LDAH: variants seen among roughly 807,000 people sequenced by gnomAD.
LDAH encodes the protein lipid droplet-associated hydrolase.
Under a neutral mutation model 29.6 loss-of-function variants are expected in LDAH, and 26 were observed. The observed-to-expected ratio is 0.88, with a 90% confidence interval of 0.64 to 1.22. The LOEUF is 1.22. LDAH is among the 50% of genes most tolerant of loss of function. The probability of loss-of-function intolerance (pLI) is 0.00; values close to 1 mark genes in which losing one functional copy is unlikely to be tolerated. For synonymous variants in LDAH, 117 were observed against 133.0 expected (o/e 0.88, Z 0.83); for missense variants, 344 against 387.3 (o/e 0.89, Z 0.94).
intron 3 of LDAH, 53 bp downstream of exon 3, chr2:20,790,202 A>C (rs564814391): frequency 1.8e-4 from 280 of 1,584,130 alleles, no homozygotes; most frequent in Admixed American, 1.8e-3. Flanking sequence ...AGCTTGCTAG[A>C]AACATGACCC....
chr2:20,772,320 C>A (rs930297060), intron 4 of LDAH, among the ~76,000 whole-genome samples: 1 of 152,176 alleles, frequency 6.6e-6, no homozygotes, highest in East Asian at 1.9e-4. Context: ...ATGCAAGTAT[C>A]CTTTTTAATG....
rs768794484 is a variant in LDAH, at chr2:20,740,114, C to T, written c.560G>A (p.Arg187Gln). 23 of 1,614,110 alleles carry T rather than the reference C, an allele frequency of 1.4e-5. No homozygotes were observed. In the South Asian group the frequency reaches 1.8e-4, roughly 12 times the overall value. ...GTAGCCAGTAACATAGAGAACATATCGAAACCAGCACAAAAGTGGAGTGGC... is the reference window on the plus strand; with the variant it reads ...GTAGCCAGTAACATAGAGAACATATTGAAACCAGCACAAAAGTGGAGTGGC... Reference protein sequence around the residue: ...RIATPLLCWFRYVLYVTGYLL... With the variant: ...RIATPLLCWFQYVLYVTGYLL... Residue 187 changes from arginine to glutamine, a missense_variant, in exon 5 of 7, where the codon CGA becomes CAA. Coordinates refer to ENST00000237822, the MANE Select transcript of LDAH (RefSeq NM_021925.4).
intron 1 of LDAH, among the ~76,000 whole-genome samples, chr2:20,804,775 A>T (rs1572670403): frequency 6.6e-6 from 1 of 152,202 alleles, no homozygotes. Flanking sequence ...TCCAAAACTG[A>T]TTCTCTTAAG....
intron 1 of LDAH, among the ~76,000 whole-genome samples, chr2:20,814,898 CA>C (rs1672746180): frequency 6.6e-6 from 1 of 152,044 alleles, no homozygotes; most frequent in African/African-American, 2.4e-5. Context: ...GGGCCTGTAA[CA>C]AGGAATTACC....
chr2:20,722,662 T>C (rs1558412482), intron 5 of LDAH, among the ~76,000 whole-genome samples: 1 of 152,202 alleles, frequency 6.6e-6, no homozygotes, highest in Non-Finnish European at 1.5e-5. Context: ...AATCTGATCA[T>C]AACACAGTGT....
chr2:20,739,441 A>G (rs1021368305), intron 5 of LDAH, among the ~76,000 whole-genome samples: 1 of 152,258 alleles, frequency 6.6e-6, no homozygotes, highest in Non-Finnish European at 1.5e-5. Context: ...GCCAAAAAGT[A>G]AAGTCACAAA....
In LDAH at chr2:20,698,685, A is replaced by T. The variant is rs1037939059; in HGVS notation, c.786+2885T>A. ...ACAGTGCAAGACTCTGTCTCAAAAA[A>T]ACAAAAAAAGGAAAAAGAAATAACC... On this transcript the variant is annotated intron_variant, in intron 6 of 6. Transcript: ENST00000237822. The surrounding 1 kb of genome is among the most constrained non-coding windows in gnomAD (Gnocchi z 4.4). Among the ~76,000 whole-genome samples, 1 of 152,228 alleles carries T rather than the reference A, an allele frequency of 6.6e-6. No individual in the cohort carries two copies.
chr2:20,726,151 T>G (rs1209453638), intron 5 of LDAH, among the ~76,000 whole-genome samples: 6 of 152,238 alleles, frequency 3.9e-5, no homozygotes, highest in Non-Finnish European at 5.9e-5. Context: ...CAAGGGCTGA[T>G]GTGCTTAACT....
chr2:20,689,556 C>T (rs1353779096), intron 6 of LDAH, among the ~76,000 whole-genome samples: 1 of 152,204 alleles, frequency 6.6e-6, no homozygotes. Flanking sequence ...AGCAACTACC[C>T]TGCTATAGCT....
intron 5 of LDAH, among the ~76,000 whole-genome samples, chr2:20,724,177 T>C (rs1018863721): frequency 6.6e-6 from 1 of 152,224 alleles, no homozygotes; most frequent in Admixed American, 6.5e-5. Context: ...CCATTTTGTC[T>C]GTCTGGAAAA....
At chr2:20,809,267 C>A (rs560281233) in intron 1 of LDAH, among the ~76,000 whole-genome samples, 2 of 151,044 alleles carry the variant, frequency 1.3e-5, no homozygotes, top group African/African-American at 2.5e-5. Context: ...CGCTTGGTGG[C>A]GCGTGCCTGT....
At chr2:20,729,757 C>T (rs866848129) in intron 5 of LDAH, among the ~76,000 whole-genome samples, 1 of 152,168 alleles carries the variant, frequency 6.6e-6, no homozygotes, top group Non-Finnish European at 1.5e-5. Context: ...ATGGTAATAT[C>T]TTGCAAAACC....
At chr2:20,818,050 T>C (rs961757137) in intron 1 of LDAH, among the ~76,000 whole-genome samples, 3 of 152,168 alleles carry the variant, frequency 2.0e-5, no homozygotes, top group Non-Finnish European at 2.9e-5. Flanking sequence ...ACGGTAGTTA[T>C]AAGAAGCTAC....
intron 5 of LDAH, among the ~76,000 whole-genome samples, chr2:20,707,266 A>C (rs1337876166): frequency 1.3e-5 from 2 of 152,162 alleles, no homozygotes; most frequent in African/African-American, 4.8e-5. Context: ...TCAGCTGCCT[A>C]AACTGCCTCA....
intron 4 of LDAH, among the ~76,000 whole-genome samples, chr2:20,744,453 TC>T (rs1433343333): frequency 6.6e-6 from 1 of 152,168 alleles, no homozygotes; most frequent in African/African-American, 2.4e-5. Flanking sequence ...AGTATTCTTC[TC>T]CCCTCTTTGG....
chr2:20,742,427 A>G (rs1667245030), intron 4 of LDAH, among the ~76,000 whole-genome samples: 1 of 152,184 alleles, frequency 6.6e-6, no homozygotes, highest in South Asian at 2.1e-4. Context: ...GTGGATGCAT[A>G]TATTTATGCT....
intron 4 of LDAH, among the ~76,000 whole-genome samples, chr2:20,754,815 CT>C (rs1668217576): frequency 6.6e-6 from 1 of 151,968 alleles, no homozygotes; most frequent in Admixed American, 6.5e-5. Context: ...AAGGAATATG[CT>C]TGAGATGTTT....
chr2:20,714,370 A>G (rs1458235565), intron 5 of LDAH, among the ~76,000 whole-genome samples: 3 of 152,252 alleles, frequency 2.0e-5, no homozygotes, highest in African/African-American at 7.2e-5. Flanking sequence ...TCTCTGGGAC[A>G]CATTTAAAGC....
intron 2 of LDAH, among the ~76,000 whole-genome samples, chr2:20,794,546 A>C (rs1199301239): frequency 6.6e-6 from 1 of 152,176 alleles, no homozygotes; most frequent in Non-Finnish European, 1.5e-5. Context: ...AGCATAATAC[A>C]TCATGACCAA....
Sources: gnomAD v4.1 joint callset for allele counts (sites outside exome capture counted in the v4.1 genomes callset) on GRCh38, gnomAD v4.1.1 for gene constraint, Gnocchi (gnomAD v3.1) non-coding constraint, MANE v1.5 for transcripts, NCBI Gene and HGNC (gene_info 2026-07-23, HGNC 2026-07-21) for gene names.